The following DIAPH3 variants were observed in gnomAD, a reference collection of about 807,000 sequenced individuals.
DIAPH3 encodes protein diaphanous homolog 3.
DIAPH3 carries 117 observed loss-of-function variants against 144.3 expected under a neutral mutation model. The observed-to-expected ratio is 0.81, with a 90% CI of 0.70 to 0.95. DIAPH3 has a LOEUF of 0.95. Ranked by LOEUF, DIAPH3 falls within the 40% of genes least tolerant of loss-of-function variation. DIAPH3 has a pLI of 0.00. For synonymous variants in DIAPH3, 519 were observed against 488.9 expected (o/e 1.06, Z -0.81); for missense variants, 1,421 against 1,412.7 (o/e 1.01, Z -0.09).
intron 21 of DIAPH3, among the ~76,000 whole-genome samples, chr13:59,868,144 T>C (rs1216895236): frequency 1.3e-5 from 2 of 152,080 alleles, no homozygotes; most frequent in South Asian, 2.1e-4. Context: ...GTAACATACG[T>C]CAAAAATTTT....
At chr13:60,121,815 G>A (rs1346418555) in intron 2 of DIAPH3, among the ~76,000 whole-genome samples, 2 of 152,154 alleles carry the variant, frequency 1.3e-5, no homozygotes, top group African/African-American at 4.8e-5. Context: ...GCCGAAAGGT[G>A]ATTTGAATTG....
intron 4 of DIAPH3, among the ~76,000 whole-genome samples, chr13:60,062,013 C>T (rs2056794389): frequency 6.6e-6 from 1 of 152,088 alleles, no homozygotes; most frequent in Non-Finnish European, 1.5e-5. Context: ...TCTTCTAACC[C>T]CCTCGGCAGG....
intron 24 of DIAPH3, among the ~76,000 whole-genome samples, chr13:59,813,135 G>A (rs549552604): frequency 8.1e-5 from 12 of 148,782 alleles, no homozygotes; most frequent in African/African-American, 3.0e-4. Flanking sequence ...TACGGGCGCA[G>A]AAACCTAAAA....
rs545276196 is a variant in DIAPH3, at chr13:59,956,154, G to A, written c.2074+13790C>T. 1.0e-3 allele frequency among the ~76,000 whole-genome samples: 156 copies of A among 152,184 alleles called. 1 individual carries two copies. Among genetic ancestry groups the A allele is most frequent in the Non-Finnish European group, 2.0e-3 (133 of 68,026 alleles). On this transcript the variant is annotated intron_variant, in intron 17 of 27. Coordinates refer to ENST00000400324, the MANE Select transcript of DIAPH3 (RefSeq NM_001042517.2). ...GAAAAGAAAACTCATTTTCTGAGGA[G>A]AAATTCAAATCAGCTGCAGAAATTT...
chr13:60,144,294 C>T (rs533644001), intron 1 of DIAPH3, among the ~76,000 whole-genome samples: 2 of 152,238 alleles, frequency 1.3e-5, no homozygotes, highest in African/African-American at 4.8e-5. Context: ...TTAAAGGTCC[C>T]CAGGTAACTC....
At chr13:59,934,657 T>G (rs1002581393) in intron 17 of DIAPH3, among the ~76,000 whole-genome samples, 1 of 151,914 alleles carries the variant, frequency 6.6e-6, no homozygotes, top group Non-Finnish European at 1.5e-5. Flanking sequence ...GAACGGCCCT[T>G]CAGTATGGAC....
chr13:59,713,626 A>AGGGGAGCTGCT (rs112557146), intron 27 of DIAPH3, among the ~76,000 whole-genome samples: 3 of 151,540 alleles, frequency 2.0e-5, no homozygotes, highest in Non-Finnish European at 3.0e-5. Flanking sequence ...TATTTGAGGA[A>AGGGGAGCTGCT]GGGGAGCTAT....
At chr13:59,878,421 C>T (rs1434916410) in intron 21 of DIAPH3, among the ~76,000 whole-genome samples, 1 of 152,080 alleles carries the variant, frequency 6.6e-6, no homozygotes, top group Non-Finnish European at 1.5e-5. Context: ...ACTTGTTTTT[C>T]ACCTTCCCTA....
intron 27 of DIAPH3, among the ~76,000 whole-genome samples, chr13:59,686,334 T>C (rs1004403713): frequency 6.6e-6 from 1 of 151,996 alleles, no homozygotes; most frequent in African/African-American, 2.4e-5. Flanking sequence ...ATTTAGTACC[T>C]TAGAGATGTC....
chr13:60,149,651 G>A (rs1293405080), intron 1 of DIAPH3, among the ~76,000 whole-genome samples: 2 of 150,954 alleles, frequency 1.3e-5, no homozygotes, highest in African/African-American at 4.9e-5. Context: ...TACTCCAGAA[G>A]CTGAGGTGGG....
At chr13:59,708,558 T>A (rs967970873) in intron 27 of DIAPH3, among the ~76,000 whole-genome samples, 2 of 152,172 alleles carry the variant, frequency 1.3e-5, no homozygotes, top group Non-Finnish European at 2.9e-5. Context: ...CTTTCTTCCT[T>A]TGGCTTCCAG....
intron 4 of DIAPH3, among the ~76,000 whole-genome samples, chr13:60,049,529 C>G (rs946950011): frequency 5.3e-5 from 8 of 152,206 alleles, no homozygotes; most frequent in Admixed American, 3.3e-4. Context: ...CAGGCCTACT[C>G]CTAAACATTG....
rs565127048 is a variant in DIAPH3 at position 59,886,086 on chromosome 13, C to T, written c.2368-6618G>A. On this transcript the variant is annotated intron_variant, in intron 20 of 27. Transcript: ENST00000400324. ...AATGTATACCTAACCTAAAACATTG[C>T]CAAAGTGTTTTTGCAAAGTAGGTTA... 6.6e-5 allele frequency among the ~76,000 whole-genome samples: 10 copies of T among 152,144 alleles called. No homozygotes were observed. The East Asian group carries it at 7.7e-4, about 12-fold the overall frequency.
At chr13:60,132,571 T>C (rs986452378) in intron 2 of DIAPH3, among the ~76,000 whole-genome samples, 8 of 152,152 alleles carry the variant, frequency 5.3e-5, no homozygotes, top group African/African-American at 1.9e-4. Context: ...TTTAAAAATA[T>C]ATATGCATAA....
chr13:59,736,259 G>A (rs2036148426), intron 27 of DIAPH3, among the ~76,000 whole-genome samples: 2 of 152,176 alleles, frequency 1.3e-5, no homozygotes, highest in African/African-American at 4.8e-5. Flanking sequence ...ACATACGTGT[G>A]TATGTCTTTA....
chr13:59,720,737 GA>G (rs1305938361), intron 27 of DIAPH3, among the ~76,000 whole-genome samples: 2 of 151,912 alleles, frequency 1.3e-5, no homozygotes, highest in African/African-American at 4.8e-5. Flanking sequence ...AAACACAGAA[GA>G]AAAAAAATTA....
In DIAPH3 at chr13:59,724,496, T is replaced by C. The variant is rs1374175382; in HGVS notation, c.3319+49693A>G. 2.0e-5 allele frequency among the ~76,000 whole-genome samples: 3 copies of C among 152,218 alleles called. No homozygotes were observed. The East Asian group carries it at 5.8e-4, about 29-fold the overall frequency. ...CGGTATTTCTTGGGTTTTATTTCCT[T>C]GAGCCTAAATTCAAGTATGAATTTG... On this transcript the variant is annotated intron_variant, in intron 27 of 27. Transcript: ENST00000400324.
chr13:59,903,751 T>C (rs1376598015), intron 20 of DIAPH3, among the ~76,000 whole-genome samples: 1 of 152,240 alleles, frequency 6.6e-6, no homozygotes, highest in South Asian at 2.1e-4. Context: ...AAAATGATTT[T>C]TAAAAACACT....
At position 59,700,459 on chromosome 13, in the gene DIAPH3, C is replaced by CAG. The variant is rs537250692; in HGVS notation, c.3320-33615_3320-33614dup. Reference sequence around the variant, plus strand: ...AAGAATGTAACATTGGAGGATGTGGCAGAGAGAGAGAGCTCACCAAATATT... The same window carrying CAG: ...AAGAATGTAACATTGGAGGATGTGGCAGAGAGAGAGAGAGCTCACCAAATATT... On this transcript the variant is annotated intron_variant, in intron 27 of 27. Transcript: ENST00000400324. 1.9e-4 allele frequency among the ~76,000 whole-genome samples: 29 copies of CAG among 152,098 alleles called. No homozygotes were observed. In the East Asian group the frequency reaches 4.2e-3, roughly 22 times the overall value.
Sources: allele counts gnomAD v4.1 joint callset (sites outside exome capture counted in the v4.1 genomes callset), GRCh38; gene constraint gnomAD v4.1.1; transcripts MANE v1.5; gene names NCBI Gene and HGNC (gene_info 2026-07-23, HGNC 2026-07-21).